DYNLT5: variants seen among roughly 807,000 people sequenced by gnomAD.
DYNLT5 encodes dynein light chain Tctex-type 5.
DYNLT5 carries 25 observed loss-of-function variants against 19.3 expected under a neutral mutation model. That is an observed-to-expected ratio of 1.30 (90% CI 0.95 to 1.81). The LOEUF (loss-of-function observed/expected upper bound fraction) is 1.81. Ranked by LOEUF, DYNLT5 falls within the 40% of genes most tolerant of loss-of-function variation. DYNLT5 has a pLI of 0.00. For missense variants in DYNLT5, 232 were observed against 217.9 expected, an observed-to-expected ratio of 1.06 and a Z score of -0.41; for synonymous variants, 82 against 68.9, an observed-to-expected ratio of 1.19 and a Z score of -0.94.
At chr1:66,754,411 G>A (rs1304313626) in intron 1 of DYNLT5, among the ~76,000 whole-genome samples, 1 of 152,100 alleles carries the variant, frequency 6.6e-6, no homozygotes, top group Admixed American at 6.5e-5. Context: ...TTTTGCTATA[G>A]CTTAATATCT....
At position 66,776,264 on chromosome 1, in the gene DYNLT5, T is replaced by G; in HGVS notation, c.212-15T>G. 1 of 1,610,364 alleles carries G rather than the reference T, an allele frequency of 6.2e-7. No individual in the cohort carries two copies. Among genetic ancestry groups the G allele is most frequent in the Non-Finnish European group, 8.5e-7 (1 of 1,178,002 alleles). Reference sequence around the variant, plus strand: ...GAAATTACTTTTTAGAAATAAATTTTATGTGTATTTTCAGGTCCTCCCAAA... The same window carrying G: ...GAAATTACTTTTTAGAAATAAATTTGATGTGTATTTTCAGGTCCTCCCAAA... On this transcript the variant is annotated splice_polypyrimidine_tract_variant and intron_variant, in intron 3 of 4. Coordinates refer to ENST00000282670, the MANE Select transcript of DYNLT5 (RefSeq NM_152665.3).
intron 3 of DYNLT5, among the ~76,000 whole-genome samples, chr1:66,771,463 A>G (rs1645204083): frequency 6.6e-6 from 1 of 152,242 alleles, no homozygotes; most frequent in African/African-American, 2.4e-5. Flanking sequence ...AGGATGGCAT[A>G]TAACCATGGT....
At chr1:66,776,034 G>T (rs1031991608) in intron 3 of DYNLT5, 1 of 313,760 alleles carries the variant, frequency 3.2e-6, no homozygotes, top group Admixed American at 4.8e-5. Flanking sequence ...AGACTTTCAA[G>T]GTCAAACCCC....
At chr1:66,755,405 T>C (rs2150858079) in intron 2 of DYNLT5, among the ~76,000 whole-genome samples, 1 of 152,326 alleles carries the variant, frequency 6.6e-6, no homozygotes, top group Middle Eastern at 3.4e-3. Flanking sequence ...CCTAAAGATA[T>C]ACATCAATTT....
At chr1:66,771,593 C>T (rs1048820878) in intron 3 of DYNLT5, among the ~76,000 whole-genome samples, 2 of 152,194 alleles carry the variant, frequency 1.3e-5, no homozygotes, top group South Asian at 2.1e-4. Context: ...GCCACCTTGC[C>T]CTGACTTGAA....
intron 2 of DYNLT5, among the ~76,000 whole-genome samples, chr1:66,768,035 A>G (rs1251980981): frequency 6.6e-6 from 1 of 152,226 alleles, no homozygotes; most frequent in Non-Finnish European, 1.5e-5. Flanking sequence ...CAACTTTAGA[A>G]AGTAAATAAG....
At chr1:66,755,475 C>T (rs759844363) in intron 2 of DYNLT5, among the ~76,000 whole-genome samples, 8 of 152,084 alleles carry the variant, frequency 5.3e-5, no homozygotes, top group Non-Finnish European at 1.0e-4. Context: ...AACAAATTAT[C>T]GACGTAGCAG....
At chr1:66,761,874 C>G (rs1354198947) in intron 2 of DYNLT5, among the ~76,000 whole-genome samples, 3 of 152,196 alleles carry the variant, frequency 2.0e-5, no homozygotes, top group African/African-American at 7.2e-5. Flanking sequence ...TTCCCTGTAG[C>G]ATGTGATACT....
intron 3 of DYNLT5, 53 bp from the exon 4 acceptor site, chr1:66,776,226 G>A (rs1645233537): frequency 1.3e-6 from 2 of 1,591,466 alleles, no homozygotes; most frequent in Non-Finnish European, 1.7e-6. Context: ...TATGGGGTGG[G>A]TGGGTGTGAT....
intron 3 of DYNLT5, among the ~76,000 whole-genome samples, chr1:66,773,721 C>T (rs1252238954): frequency 6.6e-6 from 1 of 151,996 alleles, no homozygotes; most frequent in Non-Finnish European, 1.5e-5. Context: ...ATTAAGTAAA[C>T]TTATCTTTAT....
intron 4 of DYNLT5, 23 bp from the exon 5 acceptor site, chr1:66,777,228 C>A: frequency 1.9e-6 from 3 of 1,589,742 alleles, no homozygotes; most frequent in South Asian, 1.1e-5. Context: ...GAATGAAGAC[C>A]CTCCCTTTTT....
chr1:66,776,560 GGTGTGT>G (rs112651579), intron 4 of DYNLT5, among the ~76,000 whole-genome samples, 157 bp downstream of exon 4: 2 of 126,692 alleles, frequency 1.6e-5, no homozygotes, highest in Admixed American at 1.6e-4. Context: ...TGTGTGTGTG[GGTGTGT>G]GTGTGTGTGT....
intron 2 of DYNLT5, among the ~76,000 whole-genome samples, chr1:66,769,520 A>AACACAC (rs71590352): frequency 0.17 from 25,971 of 151,372 alleles, 2,318 homozygotes; most frequent in African/African-American, 0.22. Context: ...GGTCACTCTG[A>AACACAC]ACACACACAC....
rs1645233296 is a variant in DYNLT5, at chr1:66,776,193, T to C, written c.212-86T>C. ...ACCCAGAAGATTAAATCCCTCCATG[T>C]TTCCATACTCTTTTGATTAGCCTAT... On this transcript the variant is annotated intron_variant, in intron 3 of 4. Transcript: ENST00000282670. 6.7e-6 allele frequency: 10 copies of C among 1,494,788 alleles called. No homozygotes were observed. The East Asian group carries it at 2.1e-4, about 31-fold the overall frequency. 92.6% of individuals were successfully genotyped at this position (1,494,788 alleles called of 1,614,324 possible).
chr1:66,775,945 G>C (rs1301381432), intron 3 of DYNLT5, among the ~76,000 whole-genome samples: 4 of 152,138 alleles, frequency 2.6e-5, no homozygotes, highest in African/African-American at 9.7e-5. Flanking sequence ...TGGAGCGGGA[G>C]ATATAAGAGG....
rs1246149928 is a variant in DYNLT5, at chr1:66,778,865, A to G, written c.*1411A>G. 6 of 152,170 alleles carry G rather than the reference A, an allele frequency of 3.9e-5. No homozygotes were observed. Among genetic ancestry groups the G allele is most frequent in the Non-Finnish European group, 7.4e-5 (5 of 68,026 alleles). 9.4% of individuals were successfully genotyped at this position (152,170 alleles called of 1,614,324 possible). On this transcript the variant is annotated 3_prime_UTR_variant, in exon 5 of 5. Transcript: ENST00000282670. ...TCTATGTAATAATTTATCACAACCA[A>G]TATTTGTCAATCTCCATAGAACAGT...
intron 1 of DYNLT5, 100 bp from the exon 2 acceptor site, chr1:66,754,556 T>C (rs1018749945): frequency 1.6e-6 from 2 of 1,279,226 alleles, no homozygotes; most frequent in Non-Finnish European, 2.0e-6. Flanking sequence ...TCAAAAATGG[T>C]AGGAAAACTA....
chr1:66,771,895 T>G (rs1645206265), intron 3 of DYNLT5, among the ~76,000 whole-genome samples: 1 of 152,228 alleles, frequency 6.6e-6, no homozygotes, highest in Non-Finnish European at 1.5e-5. Context: ...TTAGAAGTAC[T>G]GAGTATGAAC....
chr1:66,762,498 G>T (rs963225127), intron 2 of DYNLT5, among the ~76,000 whole-genome samples: 3 of 152,094 alleles, frequency 2.0e-5, no homozygotes, highest in Admixed American at 1.3e-4. Flanking sequence ...ACTTGAACCC[G>T]TCAAAGTCAT....
Sources: gnomAD v4.1 joint callset for allele counts (sites outside exome capture counted in the v4.1 genomes callset) on GRCh38, gnomAD v4.1.1 for gene constraint, MANE v1.5 for transcripts, NCBI Gene and HGNC (gene_info 2026-07-23, HGNC 2026-07-21) for gene names.